The following NELL1 variants were observed in gnomAD, a reference collection of about 807,000 sequenced individuals.
NELL1 encodes neural EGFL like 1, also known as protein kinase C-binding protein NELL1.
A neutral mutation model predicts 107.4 loss-of-function variants in NELL1; 76 were observed. The observed-to-expected ratio is 0.71, with a 90% CI of 0.59 to 0.86. NELL1 has a LOEUF of 0.86. NELL1 is among the 40% of genes least tolerant of loss of function. The probability of loss-of-function intolerance (pLI) is 0.00; values close to 1 mark genes in which losing one functional copy is unlikely to be tolerated. For synonymous variants in NELL1, 353 were observed against 341.2 expected (o/e 1.03, Z -0.38); for missense variants, 1,024 against 1,005.5 (o/e 1.02, Z -0.25).
chr11:21,060,515 T>A (rs569401959), intron 12 of NELL1, among the ~76,000 whole-genome samples: 43 of 152,344 alleles, frequency 2.8e-4, no homozygotes, highest in African/African-American at 1.0e-3. Flanking sequence ...GTTCTCATTA[T>A]ACTTGCTGAC....
At chr11:21,095,183 T>C (rs888277192) in intron 12 of NELL1, among the ~76,000 whole-genome samples, 1 of 152,182 alleles carries the variant, frequency 6.6e-6, no homozygotes, top group Non-Finnish European at 1.5e-5. Context: ...CCAGTCTCTT[T>C]GCTAAAACAT....
intron 1 of NELL1, among the ~76,000 whole-genome samples, chr11:20,673,405 T>TCA (rs58280456): frequency 0.14 from 21,796 of 152,156 alleles, 1,908 homozygotes; most frequent in East Asian, 0.31. Context: ...TCTTGGAGCA[T>TCA]TTTTTTAGTC....
intron 9 of NELL1, among the ~76,000 whole-genome samples, chr11:20,930,446 G>A (rs768418169): frequency 6.6e-6 from 1 of 151,958 alleles, no homozygotes; most frequent in Non-Finnish European, 1.5e-5. Context: ...CCCATTGTTT[G>A]GCTGTTGCAT....
chr11:20,785,210 T>C (rs1564908301), intron 3 of NELL1, among the ~76,000 whole-genome samples: 1 of 152,214 alleles, frequency 6.6e-6, no homozygotes, highest in Non-Finnish European at 1.5e-5. Context: ...AGACTTTTGG[T>C]AGTTGTAAGG....
intron 12 of NELL1, among the ~76,000 whole-genome samples, chr11:21,060,076 A>T (rs1441232914): frequency 1.3e-5 from 2 of 152,132 alleles, no homozygotes; most frequent in Non-Finnish European, 2.9e-5. Flanking sequence ...TTAATTAGGT[A>T]AATAGGACCT....
At chr11:21,063,845 A>G (rs895656968) in intron 12 of NELL1, among the ~76,000 whole-genome samples, 7 of 152,232 alleles carry the variant, frequency 4.6e-5, no homozygotes, top group Non-Finnish European at 1.0e-4. Flanking sequence ...ACTAACTAAT[A>G]AATCAATTAT....
At chr11:21,319,128 A>AAC (rs1260711293) in intron 14 of NELL1, among the ~76,000 whole-genome samples, 1 of 88,540 alleles carries the variant, frequency 1.1e-5, no homozygotes, top group Non-Finnish European at 2.6e-5. Flanking sequence ...ACATCTCAGC[A>AAC]ATATGTGTGT....
intron 1 of NELL1, among the ~76,000 whole-genome samples, chr11:20,677,477 G>A (rs1470833797): frequency 1.3e-5 from 2 of 152,170 alleles, no homozygotes; most frequent in African/African-American, 2.4e-5. Flanking sequence ...TTCATGGCAA[G>A]ACTTGATCTA....
At chr11:21,270,503 G>A (rs113155249) in intron 14 of NELL1, among the ~76,000 whole-genome samples, 1 of 152,038 alleles carries the variant, frequency 6.6e-6, no homozygotes, top group African/African-American at 2.4e-5. Flanking sequence ...TTGTGTATGT[G>A]CCTAACATGA....
Position 21,468,677 on chromosome 11 carries a change from A to T in NELL1, c.1646-65697A>T, listed in dbSNP as rs547357708. 5.9e-5 allele frequency among the ~76,000 whole-genome samples: 9 copies of T among 152,214 alleles called. No individual in the cohort carries two copies. The East Asian group carries it at 1.7e-3, about 29-fold the overall frequency. On this transcript the variant is annotated intron_variant, in intron 15 of 19. Coordinates refer to ENST00000357134, the MANE Select transcript of NELL1 (RefSeq NM_006157.5). ...TATGACCATACCTAAAGGGATCAAGATTGATAAAATTCGAAAGCCCTCTTT... is the reference window on the plus strand; with the variant it reads ...TATGACCATACCTAAAGGGATCAAGTTTGATAAAATTCGAAAGCCCTCTTT...
intron 3 of NELL1, among the ~76,000 whole-genome samples, chr11:20,839,219 A>C (rs1352043841): frequency 6.6e-6 from 1 of 152,204 alleles, no homozygotes; most frequent in Non-Finnish European, 1.5e-5. Context: ...AAAGAGTGTA[A>C]TAGAACAGTT....
At chr11:21,043,570 G>A (rs1356270319) in intron 12 of NELL1, among the ~76,000 whole-genome samples, 2 of 152,080 alleles carry the variant, frequency 1.3e-5, no homozygotes, top group Non-Finnish European at 2.9e-5. Flanking sequence ...ACTAGTAAAG[G>A]ATTCTAAGCA....
At chr11:21,538,313 A>T (rs539861061) in intron 16 of NELL1, among the ~76,000 whole-genome samples, 1 of 152,284 alleles carries the variant, frequency 6.6e-6, no homozygotes, top group South Asian at 2.1e-4. Context: ...AGCTTGAATA[A>T]TATTGATATC....
intron 2 of NELL1, among the ~76,000 whole-genome samples, chr11:20,727,554 C>T (rs898940947): frequency 6.6e-6 from 1 of 152,136 alleles, no homozygotes; most frequent in Non-Finnish European, 1.5e-5. Context: ...GTTGCCTGTT[C>T]ACTCTGATGG....
chr11:20,677,211 C>G (rs1045673395), intron 1 of NELL1, among the ~76,000 whole-genome samples: 5 of 152,206 alleles, frequency 3.3e-5, no homozygotes, highest in Non-Finnish European at 7.3e-5. Context: ...CCCTCTGCCA[C>G]CCTTCTTCAA....
chr11:20,929,934 T>C (rs1033599119), intron 9 of NELL1, among the ~76,000 whole-genome samples: 4 of 146,826 alleles, frequency 2.7e-5, no homozygotes, highest in Non-Finnish European at 5.9e-5. Flanking sequence ...ATCGCGCCAC[T>C]GCACTCCAGC....
chr11:21,181,586 C>A (rs1856827661), intron 13 of NELL1, among the ~76,000 whole-genome samples: 2 of 151,832 alleles, frequency 1.3e-5, no homozygotes, highest in South Asian at 4.1e-4. Flanking sequence ...TTTAAGGAAA[C>A]AGCTGGGAAA....
At chr11:20,869,466 G>A (rs551142232) in intron 4 of NELL1, among the ~76,000 whole-genome samples, 1 of 152,252 alleles carries the variant, frequency 6.6e-6, no homozygotes, top group East Asian at 1.9e-4. Context: ...TATGTAAGAG[G>A]CAGAGACAAC....
chr11:20,986,346 T>A (rs1851852408), intron 12 of NELL1, among the ~76,000 whole-genome samples: 1 of 152,210 alleles, frequency 6.6e-6, no homozygotes, highest in Non-Finnish European at 1.5e-5. Flanking sequence ...GTTCCAGATG[T>A]GGAGTGAAAG....
Sources: allele counts gnomAD v4.1 joint callset (sites outside exome capture counted in the v4.1 genomes callset), GRCh38; gene constraint gnomAD v4.1.1; transcripts MANE v1.5; gene names NCBI Gene and HGNC (gene_info 2026-07-23, HGNC 2026-07-21).